PPP2R2B: variants seen among roughly 807,000 people sequenced by gnomAD.
PPP2R2B encodes the protein protein phosphatase 2 regulatory subunit Bbeta.
Under a neutral mutation model 46.0 loss-of-function variants are expected in PPP2R2B, and 5 were observed. The ratio of observed to expected loss-of-function variants is 0.11; its 90% confidence interval spans 0.06 to 0.23. The LOEUF is 0.23. Among genes scored for constraint, PPP2R2B ranks in the 10% least tolerant of loss-of-function variants. The pLI is 1.00. For missense variants in PPP2R2B, 367 were observed against 575.0 expected (o/e 0.64, Z 3.70); for synonymous variants, 215 against 206.7 (o/e 1.04, Z -0.34).
chr5:146,715,719 C>T (rs1429246747), intron 2 of PPP2R2B, among the ~76,000 whole-genome samples: 1 of 152,126 alleles, frequency 6.6e-6, no homozygotes, highest in Non-Finnish European at 1.5e-5. Flanking sequence ...ATTGTAGTTC[C>T]AAAGCTTGTG....
rs1407286264 is a variant in PPP2R2B at position 146,588,537 on chromosome 5, T to G, written c.*1410A>C. ...AGTCATCAAGACAGATGTAGAGATATTAACCCAGAACCAGTTTTCTGGACT... is the reference window on the plus strand; with the variant it reads ...AGTCATCAAGACAGATGTAGAGATAGTAACCCAGAACCAGTTTTCTGGACT... On this transcript the variant is annotated 3_prime_UTR_variant, in exon 10 of 10. Transcript: ENST00000394411. The G allele has an allele frequency of 6.6e-6, 1 of 152,222 alleles. No individual in the cohort carries two copies. The highest frequency in any genetic ancestry group is 1.5e-5 in the Non-Finnish European group (1 of 68,056). 9.4% of individuals were successfully genotyped at this position (152,222 alleles called of 1,614,324 possible). A position where few individuals can be genotyped will look rare whatever the true frequency, so the allele number is the denominator to read the frequency against.
At chr5:147,019,452 A>G (rs1755159200) in intron 1 of PPP2R2B, among the ~76,000 whole-genome samples, 1 of 152,228 alleles carries the variant, frequency 6.6e-6, no homozygotes, top group African/African-American at 2.4e-5. Flanking sequence ...TATGTATACA[A>G]TATCCACCAC....
intron 1 of PPP2R2B, among the ~76,000 whole-genome samples, chr5:146,905,744 G>GCCA (rs1259573990): frequency 7.9e-5 from 12 of 152,094 alleles, no homozygotes; most frequent in Admixed American, 3.3e-4. Flanking sequence ...CAAACAAAAG[G>GCCA]CTAAGTGCAA....
chr5:146,693,772 C>T (rs1413276925), intron 4 of PPP2R2B, among the ~76,000 whole-genome samples: 2 of 152,188 alleles, frequency 1.3e-5, no homozygotes, highest in African/African-American at 4.8e-5. Flanking sequence ...CAGTATTAGG[C>T]TTCTAATAAT....
intron 2 of PPP2R2B, among the ~76,000 whole-genome samples, chr5:146,729,896 TG>T (rs1374997170): frequency 6.6e-6 from 1 of 152,172 alleles, no homozygotes; most frequent in Non-Finnish European, 1.5e-5. Flanking sequence ...AAGGGAAATG[TG>T]GGGTTGGAGC....
chr5:146,987,841 G>C (rs947827726), intron 1 of PPP2R2B, among the ~76,000 whole-genome samples: 1 of 151,756 alleles, frequency 6.6e-6, no homozygotes, highest in African/African-American at 2.4e-5. Context: ...TCACTGAATA[G>C]ATAAGAAACC....
intron 6 of PPP2R2B, among the ~76,000 whole-genome samples, chr5:146,644,179 C>A (rs405940): frequency 2.0e-4 from 24 of 122,568 alleles, no homozygotes; most frequent in Admixed American, 4.9e-4. Context: ...AAAAGAATAT[C>A]GTAATGCAAA....
intron 9 of PPP2R2B, chr5:146,592,063 T>C: frequency 2.4e-6 from 1 of 422,188 alleles, no homozygotes; most frequent in Non-Finnish European, 4.7e-6. Context: ...AAATAAATAA[T>C]AAAATGAGAG....
At chr5:146,704,446 A>T (rs1779715052) in intron 2 of PPP2R2B, among the ~76,000 whole-genome samples, 1 of 152,218 alleles carries the variant, frequency 6.6e-6, no homozygotes, top group African/African-American at 2.4e-5. Flanking sequence ...ACAATTCCAC[A>T]TTTCATTAAC....
rs73793215 is a variant in PPP2R2B at position 146,677,402 on chromosome 5, C to T, written c.447+13726G>A. Among the ~76,000 whole-genome samples, 1,194 of 152,164 alleles carry T rather than the reference C, an allele frequency of 7.8e-3. 19 individuals are homozygous for T. The highest frequency in any genetic ancestry group is 0.028 in the African/African-American group (1,146 of 41,532). On this transcript the variant is annotated intron_variant, in intron 5 of 9. Transcript: ENST00000394411. ...GATTGACTGTAATGTTAGGCAGGGG[C>T]AAATGAAGTACATGCCGTCACCATT...
At chr5:146,962,348 G>A (rs1186725238) in intron 1 of PPP2R2B, among the ~76,000 whole-genome samples, 1 of 151,704 alleles carries the variant, frequency 6.6e-6, no homozygotes, top group Non-Finnish European at 1.5e-5. Flanking sequence ...GAAAGAGAAT[G>A]TGTGTGCATT....
chr5:146,955,936 G>C (rs1306881763), intron 1 of PPP2R2B, among the ~76,000 whole-genome samples: 1 of 151,550 alleles, frequency 6.6e-6, no homozygotes, highest in African/African-American at 2.4e-5. Context: ...CCACCACTGT[G>C]CCCGGCTAAT....
intron 5 of PPP2R2B, among the ~76,000 whole-genome samples, chr5:146,660,265 C>T (rs1392905916): frequency 6.6e-6 from 1 of 152,156 alleles, no homozygotes; most frequent in African/African-American, 2.4e-5. Context: ...AATTAAATTA[C>T]TTTTCATTTT....
intron 9 of PPP2R2B, among the ~76,000 whole-genome samples, chr5:146,590,653 G>T (rs776666556): frequency 6.6e-6 from 1 of 152,076 alleles, no homozygotes; most frequent in Non-Finnish European, 1.5e-5. Flanking sequence ...CGTGTTTAAG[G>T]TTTGGCCACT....
chr5:146,856,612 A>C, intron 2 of PPP2R2B: 1 of 1,514,842 alleles, frequency 6.6e-7, no homozygotes, highest in Non-Finnish European at 9.2e-7. Context: ...TCAGATCCAG[A>C]CTCCAGGAGG....
At chr5:146,617,894 C>T (rs1773335507) in intron 7 of PPP2R2B, among the ~76,000 whole-genome samples, 1 of 151,986 alleles carries the variant, frequency 6.6e-6, no homozygotes, top group African/African-American at 2.4e-5. Context: ...GGGGTTTCAC[C>T]ATGTTGGCCA....
At chr5:146,684,662 C>T (rs1250624307) in intron 5 of PPP2R2B, among the ~76,000 whole-genome samples, 2 of 152,176 alleles carry the variant, frequency 1.3e-5, no homozygotes, top group East Asian at 1.9e-4. Context: ...CCTCCAGATG[C>T]ATCGTGGAAA....
intron 2 of PPP2R2B, among the ~76,000 whole-genome samples, chr5:146,752,180 C>T (rs1222013046): frequency 6.6e-6 from 1 of 152,088 alleles, no homozygotes; most frequent in Non-Finnish European, 1.5e-5. Context: ...AGAGGCTGAT[C>T]AGCTTGAGAC....
intron 2 of PPP2R2B, among the ~76,000 whole-genome samples, chr5:146,734,173 C>T (rs6580440): frequency 6.6e-6 from 1 of 151,556 alleles, no homozygotes; most frequent in South Asian, 2.1e-4. Flanking sequence ...CTCCCACCTT[C>T]GCCTCCCAAG....
Sources: gnomAD v4.1 joint callset for allele counts (sites outside exome capture counted in the v4.1 genomes callset) on GRCh38, gnomAD v4.1.1 for gene constraint, MANE v1.5 for transcripts, NCBI Gene and HGNC (gene_info 2026-07-23, HGNC 2026-07-21) for gene names.